The following LANCL2 variants were observed in gnomAD, a reference collection of about 807,000 sequenced individuals.
LANCL2 encodes the protein LanC like glutathione S-transferase 2, also known as lanC-like protein 2.
LANCL2 carries 33 observed loss-of-function variants against 56.9 expected under a neutral mutation model. The observed-to-expected ratio is 0.58, with a 90% CI of 0.44 to 0.78. LANCL2 has a LOEUF of 0.78. Among genes scored for constraint, LANCL2 ranks in the 30% least tolerant of loss-of-function variants. The pLI is 0.00. For missense variants in LANCL2, 562 were observed against 580.2 expected (o/e 0.97, Z 0.32); for synonymous variants, 233 against 228.2 (o/e 1.02, Z -0.19).
chr7:55,397,772 T>C (rs1410700597), intron 2 of LANCL2, among the ~76,000 whole-genome samples: 2 of 151,350 alleles, frequency 1.3e-5, no homozygotes, highest in East Asian at 3.9e-4. Context: ...TCAGATTCAT[T>C]TGAAGACCTG....
chr7:55,387,942 A>G (rs1418331399), intron 1 of LANCL2, among the ~76,000 whole-genome samples: 1 of 152,190 alleles, frequency 6.6e-6, no homozygotes, highest in African/African-American at 2.4e-5. Context: ...CAACGTTTAC[A>G]TATTAGTTGC....
intron 7 of LANCL2, among the ~76,000 whole-genome samples, chr7:55,425,971 G>A (rs998062696): frequency 2.0e-5 from 3 of 152,116 alleles, no homozygotes; most frequent in Non-Finnish European, 4.4e-5. Context: ...CCTCTAGCCC[G>A]CCATAATACA....
rs749855960 is a variant in LANCL2 at position 55,398,533 on chromosome 7, G to A, written c.433G>A (p.Val145Ile). 6.2e-7 allele frequency: 1 copy of A among 1,614,194 alleles called. No homozygotes were observed. ...ACTTCGGAATCTGAATGGCCGCAGG[G>A]TCACCTTCCTCTGTGGGGATGCTGG... The part of the protein sequence containing the change: ...RTLRNLNGRR[V>I]TFLCGDAGPL... The change falls in exon 3 of 9, where the codon GTC becomes ATC. Residue 145 changes from valine (V) to isoleucine (I), a missense_variant. By Grantham distance (29) the Val-to-Ile change is conservative. Transcript: ENST00000254770.
intron 6 of LANCL2, among the ~76,000 whole-genome samples, chr7:55,423,318 G>A (rs527310536): frequency 6.6e-6 from 1 of 152,300 alleles, no homozygotes; most frequent in Non-Finnish European, 1.5e-5. Context: ...CCTCAGCCTC[G>A]CAGGCGCAGG....
chr7:55,431,178 A>C lies in LANCL2; in HGVS notation c.1259-48A>C, dbSNP rs576012950. ...AAATGATTAAAAGTCACTGTTATAG[A>C]CACTACCCTTATGCCATTCCTAAGA... is the stretch of plus-strand genomic sequence containing the variant. On this transcript the variant is annotated intron_variant, in intron 8 of 8. Transcript: ENST00000254770. 2.7e-5 allele frequency: 37 copies of C among 1,391,592 alleles called. No homozygotes were observed. In the South Asian group the frequency reaches 4.6e-4, roughly 17 times the overall value. 86.2% of individuals were successfully genotyped at this position (1,391,592 alleles called of 1,614,324 possible). A position where few individuals can be genotyped will look rare whatever the true frequency, so the allele number is the denominator to read the frequency against.
intron 1 of LANCL2, among the ~76,000 whole-genome samples, chr7:55,376,264 A>G (rs538940173): frequency 5.3e-5 from 8 of 152,256 alleles, no homozygotes; most frequent in African/African-American, 1.9e-4. Flanking sequence ...AAATGGGGGT[A>G]ATAGTTGTAG....
chr7:55,402,571 T>C, intron 5 of LANCL2, among the ~76,000 whole-genome samples: 1 of 95,062 alleles, frequency 1.1e-5, no homozygotes, highest in Non-Finnish European at 2.1e-5. Flanking sequence ...CCCACATCCT[T>C]CCCGGACGGG....
intron 1 of LANCL2, among the ~76,000 whole-genome samples, chr7:55,366,451 A>G (rs930940835): frequency 1.3e-5 from 2 of 152,232 alleles, no homozygotes; most frequent in Non-Finnish European, 2.9e-5. Context: ...TCCTGGCCCC[A>G]ACGCGCCTTT....
intron 1 of LANCL2, among the ~76,000 whole-genome samples, chr7:55,385,580 G>A (rs1790116108): frequency 6.6e-6 from 1 of 152,000 alleles, no homozygotes; most frequent in African/African-American, 2.4e-5. Flanking sequence ...AAGGGGAGGG[G>A]GTATACGAAT....
intron 1 of LANCL2, among the ~76,000 whole-genome samples, chr7:55,366,860 G>A (rs966810348): frequency 3.9e-5 from 6 of 152,190 alleles, no homozygotes; most frequent in Non-Finnish European, 7.4e-5. Flanking sequence ...TTTTGTGCTA[G>A]GCAGAACCAA....
intron 1 of LANCL2, among the ~76,000 whole-genome samples, chr7:55,382,103 A>G (rs1389969245): frequency 1.3e-5 from 2 of 152,232 alleles, no homozygotes; most frequent in Non-Finnish European, 2.9e-5. Flanking sequence ...GAGGAGGCAT[A>G]TTCTGCTTTT....
intron 5 of LANCL2, among the ~76,000 whole-genome samples, chr7:55,404,327 A>C (rs976999019): frequency 3.9e-5 from 6 of 152,052 alleles, no homozygotes; most frequent in African/African-American, 1.4e-4. Flanking sequence ...TCTTCTTTTA[A>C]ATTTAAGCTT....
chr7:55,418,157 T>C (rs953779417), intron 6 of LANCL2, among the ~76,000 whole-genome samples: 3 of 150,822 alleles, frequency 2.0e-5, no homozygotes, highest in African/African-American at 7.3e-5. Flanking sequence ...TCCAATTATG[T>C]ATTGCCAGTA....
chr7:55,385,506 T>C (rs1790115147), intron 1 of LANCL2, among the ~76,000 whole-genome samples: 1 of 152,084 alleles, frequency 6.6e-6, no homozygotes, highest in African/African-American at 2.4e-5. Flanking sequence ...ACATCACACA[T>C]TGGTAGGATC....
intron 1 of LANCL2, among the ~76,000 whole-genome samples, chr7:55,375,242 G>A (rs536770154): frequency 1.3e-5 from 2 of 152,222 alleles, no homozygotes; most frequent in Admixed American, 1.3e-4. Context: ...GTATTTTTAT[G>A]TATAGCAGTT....
chr7:55,365,769 T>C lies in LANCL2; in HGVS notation c.-257T>C, dbSNP rs922922653. 2.8e-6 allele frequency: 1 copy of C among 360,032 alleles called. No homozygotes were observed. The highest frequency in any genetic ancestry group is 5.0e-6 in the Non-Finnish European group (1 of 200,674). 22.3% of individuals were successfully genotyped at this position (360,032 alleles called of 1,614,324 possible). A position where few individuals can be genotyped will look rare whatever the true frequency, so the allele number is the denominator to read the frequency against. ...CTGGGCGCTCCCGCGAGCCCGCTCC[T>C]CTCCGTCGGGAGCAGGGCAAAGGCG... On this transcript the variant is annotated 5_prime_UTR_variant, in exon 1 of 9. Coordinates refer to ENST00000254770, the MANE Select transcript of LANCL2 (RefSeq NM_018697.4).
At chr7:55,400,855 T>G (rs1007075928) in intron 4 of LANCL2, among the ~76,000 whole-genome samples, 2 of 152,246 alleles carry the variant, frequency 1.3e-5, no homozygotes, top group African/African-American at 4.8e-5. Flanking sequence ...ATACTGCAGC[T>G]ACGAAGCAAC....
intron 5 of LANCL2, among the ~76,000 whole-genome samples, chr7:55,403,543 T>C (rs1274136731): frequency 1.3e-5 from 2 of 151,174 alleles, no homozygotes; most frequent in East Asian, 2.0e-4. Flanking sequence ...CCCCACACTT[T>C]TCTGGGTTTT....
At chr7:55,422,451 G>A (rs1048425947) in intron 6 of LANCL2, among the ~76,000 whole-genome samples, 6 of 152,058 alleles carry the variant, frequency 3.9e-5, no homozygotes, top group Non-Finnish European at 7.4e-5. Context: ...TTAATTTTGG[G>A]TTTTCAATAG....
Sources: allele counts gnomAD v4.1 joint callset (sites outside exome capture counted in the v4.1 genomes callset), GRCh38; gene constraint gnomAD v4.1.1; transcripts MANE v1.5; gene names NCBI Gene and HGNC (gene_info 2026-07-23, HGNC 2026-07-21).